IKZF2: variants seen among roughly 807,000 people sequenced by gnomAD.
IKZF2 encodes the protein IKAROS family zinc finger 2.
In IKZF2, 15 loss-of-function variants were observed where a neutral mutation model predicts 49.2. The ratio of observed to expected loss-of-function variants is 0.30; its 90% CI spans 0.20 to 0.47. The LOEUF (loss-of-function observed/expected upper bound fraction) is 0.47. Among genes scored for constraint, IKZF2 ranks in the 20% least tolerant of loss-of-function variants. IKZF2 has a pLI of 1.00. For synonymous variants in IKZF2, 227 were observed against 221.4 expected (o/e 1.03, Z -0.23); for missense variants, 567 against 664.6 (o/e 0.85, Z 1.61).
At chr2:213,079,524 C>T (rs1486839140) in intron 4 of IKZF2, among the ~76,000 whole-genome samples, 6 of 137,044 alleles carry the variant, frequency 4.4e-5, no homozygotes, top group Non-Finnish European at 7.8e-5. Flanking sequence ...GGAAGGAAGG[C>T]AGGAAGGGAG....
chr2:213,115,456 T>C (rs2059840301), intron 4 of IKZF2, among the ~76,000 whole-genome samples: 1 of 152,230 alleles, frequency 6.6e-6, no homozygotes, highest in Non-Finnish European at 1.5e-5. Flanking sequence ...TCTGTTTTCA[T>C]AGTGAGGTCT....
intron 3 of IKZF2, 93 bp downstream of exon 3, chr2:213,148,503 T>C: frequency 1.2e-6 from 1 of 850,728 alleles, no homozygotes; most frequent in African/African-American, 1.7e-5. Context: ...AGTACAGAAT[T>C]CTCAATAAAG....
intron 4 of IKZF2, among the ~76,000 whole-genome samples, chr2:213,079,053 T>G (rs1038240177): frequency 2.6e-5 from 4 of 152,168 alleles, no homozygotes; most frequent in Non-Finnish European, 5.9e-5. Flanking sequence ...TCTAATTTTC[T>G]CTTTTTTGTT....
chr2:213,135,529 T>TA (rs900082942), intron 4 of IKZF2, among the ~76,000 whole-genome samples: 29 of 150,474 alleles, frequency 1.9e-4, no homozygotes, highest in African/African-American at 4.4e-4. Context: ...ACCCTGACTC[T>TA]AAAAAAAAAT....
intron 4 of IKZF2, among the ~76,000 whole-genome samples, chr2:213,132,847 T>G (rs1239539195): frequency 6.6e-6 from 1 of 152,252 alleles, no homozygotes; most frequent in Admixed American, 6.5e-5. Context: ...TGATTCAATT[T>G]AATTAGGTAA....
chr2:213,039,590 A>G (rs1699413010), intron 6 of IKZF2, among the ~76,000 whole-genome samples: 3 of 152,108 alleles, frequency 2.0e-5, no homozygotes, highest in East Asian at 3.8e-4. Context: ...AGATAGATAC[A>G]TGTTCAGAAT....
Position 213,147,811 on chromosome 2 carries a change from A to G in IKZF2, c.36T>C (p.Cys12=), listed in dbSNP as rs1281168897. 23 of 1,604,390 alleles carry G rather than the reference A, an allele frequency of 1.4e-5. No individual in the cohort carries two copies. The highest frequency in any genetic ancestry group is 2.0e-5 in the Non-Finnish European group (23 of 1,171,268). Residue 12 remains cysteine, a splice_region_variant and synonymous_variant, in exon 4 of 9, where the codon TGT becomes TGC. Transcript: ENST00000434687. Reference sequence around the variant, plus strand: ...CCCTTTCGGGTGAAAGCTCATTGTCACCTGCTTTCACAAAATATAATCTTT... The same window carrying G: ...CCCTTTCGGGTGAAAGCTCATTGTCGCCTGCTTTCACAAAATATAATCTTT... ...ETEAIDGYIT[C]DNELSPEREH...
chr2:213,039,011 T>A (rs1396115628), intron 6 of IKZF2, among the ~76,000 whole-genome samples: 2 of 152,094 alleles, frequency 1.3e-5, no homozygotes, highest in African/African-American at 4.8e-5. Flanking sequence ...GTAATTTTTT[T>A]TTTTTATTTT....
At position 213,091,352 on chromosome 2, in the gene IKZF2, C is replaced by T. The variant is rs138646646; in HGVS notation, c.140-34253G>A. Among the ~76,000 whole-genome samples the T allele has an allele frequency of 3.6e-4, 54 of 152,080 alleles. No individual in the cohort carries two copies. In the East Asian group the frequency reaches 8.9e-3, roughly 25 times the overall value. On this transcript the variant is annotated intron_variant, in intron 4 of 8. Coordinates refer to ENST00000434687, the MANE Select transcript of IKZF2 (RefSeq NM_001387220.1). ...AAAGCTCTCATAATGTTCTTGAGGT[C>T]GAAATGGAGAAATATGTAGGAAATA... is the stretch of plus-strand genomic sequence containing the variant.
intron 4 of IKZF2, among the ~76,000 whole-genome samples, chr2:213,095,197 G>A (rs1280076890): frequency 3.3e-5 from 5 of 151,952 alleles, no homozygotes; most frequent in Non-Finnish European, 5.9e-5. Flanking sequence ...AATGAATCCT[G>A]AATAAATGTG....
At chr2:213,124,260 A>AGTG (rs2060174045) in intron 4 of IKZF2, among the ~76,000 whole-genome samples, 3 of 94,370 alleles carry the variant, frequency 3.2e-5, no homozygotes, top group African/African-American at 1.0e-4. Flanking sequence ...GCGCACACAC[A>AGTG]CACACACACA....
chr2:213,150,189 G>T lies in IKZF2; in HGVS notation c.-61C>A. On this transcript the variant is annotated 5_prime_UTR_variant, in exon 2 of 9. In the 5' UTR this introduces an upstream ATG that the reference lacks. Transcript: ENST00000434687. ...TAAAAAAGATTCATCACCATTTCCA[G>T]CTCTGTCGGGAGATCTCAGCTTCTT... The T allele has an allele frequency of 7.7e-7, 1 of 1,303,548 alleles. No individual in the cohort carries two copies. Among genetic ancestry groups the T allele is most frequent in the South Asian group, 1.2e-5 (1 of 80,976 alleles). 80.7% of individuals were successfully genotyped at this position (1,303,548 alleles called of 1,614,324 possible). A position where few individuals can be genotyped will look rare whatever the true frequency, so the allele number is the denominator to read the frequency against.
chr2:213,050,225 T>C (rs1290273972), intron 5 of IKZF2, among the ~76,000 whole-genome samples: 1 of 152,204 alleles, frequency 6.6e-6, no homozygotes, highest in East Asian at 1.9e-4. Flanking sequence ...ATTTCAATCC[T>C]TTCTTACAAT....
intron 4 of IKZF2, among the ~76,000 whole-genome samples, chr2:213,066,315 G>A (rs376993428): frequency 6.6e-6 from 1 of 151,996 alleles, no homozygotes; most frequent in Admixed American, 6.6e-5. Flanking sequence ...CTATCACTGG[G>A]CAACGGCAAC....
rs1293976081 is a variant in IKZF2 at position 213,004,753 on chromosome 2, T to C, written c.*2607A>G. 1 of 152,200 alleles carries C rather than the reference T, an allele frequency of 6.6e-6. No homozygotes were observed. The highest frequency in any genetic ancestry group is 2.4e-5 in the African/African-American group (1 of 41,424). The allele number at this position is 152,200 out of a possible 1,614,324, so 9.4% of individuals were successfully genotyped here. ...AAATTTGAATTGACTTTGTCCTCAA[T>C]TGTCCCTGCCACACCCTGAGCCATA... is the stretch of plus-strand genomic sequence containing the variant. On this transcript the variant is annotated 3_prime_UTR_variant, in exon 9 of 9. Coordinates refer to ENST00000434687, the MANE Select transcript of IKZF2 (RefSeq NM_001387220.1).
At chr2:213,093,644 G>A (rs1042788062) in intron 4 of IKZF2, among the ~76,000 whole-genome samples, 9 of 152,022 alleles carry the variant, frequency 5.9e-5, no homozygotes, top group African/African-American at 1.7e-4. Flanking sequence ...ATAGAGCCTT[G>A]TCTGTTTTGT....
chr2:213,004,685 T>G lies in IKZF2; in HGVS notation c.*2675A>C, dbSNP rs1161642621. 2 of 151,928 alleles carry G rather than the reference T, an allele frequency of 1.3e-5. No homozygotes were observed. Among genetic ancestry groups the G allele is most frequent in the African/African-American group, 4.8e-5 (2 of 41,408 alleles). 9.4% of individuals were successfully genotyped at this position (151,928 alleles called of 1,614,324 possible). A position where few individuals can be genotyped will look rare whatever the true frequency, so the allele number is the denominator to read the frequency against. ...GCATGCACATATAACCATCCAGAGTTTCTCCAAAAACACTACGTCCACAAA... is the reference window on the plus strand; with the variant it reads ...GCATGCACATATAACCATCCAGAGTGTCTCCAAAAACACTACGTCCACAAA... On this transcript the variant is annotated 3_prime_UTR_variant, in exon 9 of 9. Coordinates refer to ENST00000434687, the MANE Select transcript of IKZF2 (RefSeq NM_001387220.1).
intron 4 of IKZF2, among the ~76,000 whole-genome samples, chr2:213,079,288 A>T (rs1672076022): frequency 6.6e-6 from 1 of 152,026 alleles, no homozygotes; most frequent in African/African-American, 2.4e-5. Context: ...CTGGGACAGG[A>T]GTATTGCTTC....
intron 4 of IKZF2, among the ~76,000 whole-genome samples, chr2:213,066,300 G>A (rs1702154670): frequency 6.6e-6 from 1 of 152,038 alleles, no homozygotes; most frequent in African/African-American, 2.4e-5. Flanking sequence ...AAGAGAGCAG[G>A]ATTTCTATCA....
Sources: gnomAD v4.1 joint callset for allele counts (sites outside exome capture counted in the v4.1 genomes callset) on GRCh38, gnomAD v4.1.1 for gene constraint, MANE v1.5 for transcripts, NCBI Gene and HGNC (gene_info 2026-07-23, HGNC 2026-07-21) for gene names.